The following CYP7B1 variants were observed in gnomAD, a reference collection of about 807,000 sequenced individuals.
CYP7B1 encodes the protein cytochrome P450 family 7 subfamily B member 1, also known as cytochrome P450 7B1.
In CYP7B1, 29 loss-of-function variants were observed where a neutral mutation model predicts 42.7. The ratio of observed to expected loss-of-function variants is 0.68; its 90% CI spans 0.51 to 0.93. CYP7B1 has a LOEUF of 0.93. CYP7B1 is among the 40% of genes least tolerant of loss of function. The probability of loss-of-function intolerance (pLI) is 0.00; values close to 1 mark genes in which losing one functional copy is unlikely to be tolerated. For missense variants in CYP7B1, 655 were observed against 600.5 expected (o/e 1.09, Z -0.95); for synonymous variants, 235 against 218.2 (o/e 1.08, Z -0.68).
At chr8:64,666,359 G>A (rs1806279613) in intron 1 of CYP7B1, among the ~76,000 whole-genome samples, 1 of 152,124 alleles carries the variant, frequency 6.6e-6, no homozygotes, top group African/African-American at 2.4e-5. Context: ...GCAGTCTACT[G>A]AGGAAAAATA....
At position 64,596,842 on chromosome 8, in the gene CYP7B1, G is replaced by T. The variant is rs1805125722; in HGVS notation, c.1321C>A (p.Pro441Thr). Residue 441 changes from proline to threonine, a missense_variant, in exon 6 of 6, where the codon CCG (proline) becomes ACG (threonine). Physicochemically the swap from Pro to Thr is conservative, Grantham distance 38. Coordinates refer to ENST00000310193, the MANE Select transcript of CYP7B1 (RefSeq NM_004820.5). ...RGKKLKCYLM[P>T]FGTGTSKCPG... ...CATTTGCTGGTTCCAGTTCCAAACG[G>T]CATTAGGTAACACTTCAGCTTTTTC... 1 of 1,613,884 alleles carries T rather than the reference G, an allele frequency of 6.2e-7. No homozygotes were observed. The highest frequency in any genetic ancestry group is 1.3e-5 in the African/African-American group (1 of 74,916).
Position 64,763,899 on chromosome 8 carries a change from A to C in CYP7B1, c.122+34567T>G, listed in dbSNP as rs182521990. ...ATGACTTTCTTGAAAGTGTAGCCCC[A>C]AAATTCTCCTTAGCTCTGAATCTAC... On this transcript the variant is annotated intron_variant, in intron 1 of 5. Transcript: ENST00000310193. 5.2e-3 allele frequency among the ~76,000 whole-genome samples: 787 copies of C among 152,300 alleles called. 5 individuals carry two copies. Among genetic ancestry groups the C allele is most frequent in the African/African-American group, 0.018 (747 of 41,570 alleles).
intron 1 of CYP7B1, among the ~76,000 whole-genome samples, chr8:64,658,467 T>C (rs895316871): frequency 3.3e-5 from 5 of 152,224 alleles, no homozygotes; most frequent in East Asian, 1.9e-4. Flanking sequence ...TTATAACTTA[T>C]AAATTTCCTG....
At chr8:64,662,750 A>T (rs1806217395) in intron 1 of CYP7B1, among the ~76,000 whole-genome samples, 1 of 152,152 alleles carries the variant, frequency 6.6e-6, no homozygotes, top group African/African-American at 2.4e-5. Flanking sequence ...ACGCTACAAG[A>T]TATATGTGCT....
At chr8:64,763,269 G>A (rs911469083) in intron 1 of CYP7B1, among the ~76,000 whole-genome samples, 3 of 152,174 alleles carry the variant, frequency 2.0e-5, no homozygotes, top group African/African-American at 7.2e-5. Context: ...ACTAGTTGCT[G>A]GGTTCCACGG....
At chr8:64,795,539 T>C (rs1804691135) in intron 1 of CYP7B1, among the ~76,000 whole-genome samples, 1 of 152,200 alleles carries the variant, frequency 6.6e-6, no homozygotes, top group Admixed American at 6.5e-5. Flanking sequence ...GAATTATTGA[T>C]TTCCTCAATT....
At chr8:64,674,636 C>T (rs1188215243) in intron 1 of CYP7B1, among the ~76,000 whole-genome samples, 1 of 152,050 alleles carries the variant, frequency 6.6e-6, no homozygotes, top group Admixed American at 6.6e-5. Flanking sequence ...TATTTTCTTT[C>T]TTGCAGAAAC....
intron 1 of CYP7B1, among the ~76,000 whole-genome samples, chr8:64,686,035 C>T (rs1443020360): frequency 7.2e-5 from 8 of 111,848 alleles, no homozygotes; most frequent in South Asian, 2.9e-4. Flanking sequence ...CCAGCCACCC[C>T]GTCCGGGAGG....
At chr8:64,769,981 C>T (rs528250961) in intron 1 of CYP7B1, among the ~76,000 whole-genome samples, 2 of 152,278 alleles carry the variant, frequency 1.3e-5, no homozygotes, top group Admixed American at 1.3e-4. Context: ...AAAGTTCTTA[C>T]CATCCTTCTT....
chr8:64,739,486 C>G (rs1807538304), intron 1 of CYP7B1, among the ~76,000 whole-genome samples: 2 of 152,152 alleles, frequency 1.3e-5, no homozygotes, highest in African/African-American at 4.8e-5. Context: ...AGCCTAACAC[C>G]TAGCAAGACT....
chr8:64,730,664 C>T (rs1807394699), intron 1 of CYP7B1, among the ~76,000 whole-genome samples: 1 of 151,794 alleles, frequency 6.6e-6, no homozygotes, highest in East Asian at 1.9e-4. Flanking sequence ...AAAATTTGAA[C>T]TGTGTTGTTG....
chr8:64,736,049 T>C (rs1807482672), intron 1 of CYP7B1, among the ~76,000 whole-genome samples: 1 of 152,186 alleles, frequency 6.6e-6, no homozygotes, highest in Admixed American at 6.5e-5. Context: ...TCTGACAACA[T>C]CAAACAATAA....
chr8:64,718,766 G>A (rs769767177), intron 1 of CYP7B1, among the ~76,000 whole-genome samples: 2 of 152,188 alleles, frequency 1.3e-5, no homozygotes, highest in Non-Finnish European at 1.5e-5. Context: ...TATGGGCTAA[G>A]GGTCACATTT....
chr8:64,694,994 A>T (rs1806802245), intron 1 of CYP7B1, among the ~76,000 whole-genome samples: 1 of 152,170 alleles, frequency 6.6e-6, no homozygotes, highest in Non-Finnish European at 1.5e-5. Flanking sequence ...ATCTGACGTC[A>T]ATAATGCATA....
At chr8:64,681,617 C>G (rs1483355626) in intron 1 of CYP7B1, among the ~76,000 whole-genome samples, 1 of 152,126 alleles carries the variant, frequency 6.6e-6, no homozygotes, top group Admixed American at 6.5e-5. Context: ...GAGAAGAGCC[C>G]TGTAAAAAGG....
In CYP7B1 at chr8:64,712,661, T is replaced by C. The variant is rs1807098480; in HGVS notation, c.122+85805A>G. 2.6e-5 allele frequency among the ~76,000 whole-genome samples: 4 copies of C among 151,438 alleles called. No individual in the cohort carries two copies. The South Asian group carries it at 8.3e-4, about 31-fold the overall frequency. On this transcript the variant is annotated intron_variant, in intron 1 of 5. Coordinates refer to ENST00000310193, the MANE Select transcript of CYP7B1 (RefSeq NM_004820.5). ...TTATATATATCATTATATATATGTA[T>C]ATATGCATACTTATATATTTTCTCC...
At chr8:64,655,801 A>C (rs1474317489) in intron 1 of CYP7B1, among the ~76,000 whole-genome samples, 1 of 152,244 alleles carries the variant, frequency 6.6e-6, no homozygotes, top group Non-Finnish European at 1.5e-5. Context: ...AATGTGATAC[A>C]TATATACCAT....
chr8:64,589,612 A>G (rs1489285846), downstream of CYP7B1, among the ~76,000 whole-genome samples: 1 of 152,212 alleles, frequency 6.6e-6, no homozygotes, highest in Non-Finnish European at 1.5e-5. Context: ...ATTTATTAAA[A>G]AGTTTGGTAT....
At chr8:64,782,540 T>C (rs1320914038) in intron 1 of CYP7B1, among the ~76,000 whole-genome samples, 1 of 152,182 alleles carries the variant, frequency 6.6e-6, no homozygotes, top group African/African-American at 2.4e-5. Flanking sequence ...CAGTCTATGA[T>C]ATTTTTATTA....
Sources: gnomAD v4.1 joint callset for allele counts (sites outside exome capture counted in the v4.1 genomes callset) on GRCh38, gnomAD v4.1.1 for gene constraint, MANE v1.5 for transcripts, NCBI Gene and HGNC (gene_info 2026-07-23, HGNC 2026-07-21) for gene names.